PLSCR3: variants seen among roughly 807,000 people sequenced by gnomAD.
PLSCR3 encodes PL scramblase 3.
Under a neutral mutation model 33.7 loss-of-function variants are expected in PLSCR3, and 17 were observed. The observed-to-expected ratio is 0.50, with a 90% CI of 0.35 to 0.76. The LOEUF (loss-of-function observed/expected upper bound fraction) is 0.76, where lower values mean the gene tolerates loss of function less well. Ranked by LOEUF, PLSCR3 falls within the 30% of genes least tolerant of loss-of-function variation. The pLI is 0.01. For synonymous variants in PLSCR3, 166 were observed against 166.0 expected, an observed-to-expected ratio of 1.00 and a Z score of 0.00; for missense variants, 360 against 394.1, an observed-to-expected ratio of 0.91 and a Z score of 0.73.
intron 2 of PLSCR3, 67 bp from the exon 3 acceptor site, chr17:7,393,903 C>G (rs1271929512): frequency 4.3e-6 from 5 of 1,167,164 alleles, no homozygotes. Context: ...ATTCCTCAGC[C>G]CATGGGCCGC....
intron 6 of PLSCR3, among the ~76,000 whole-genome samples, chr17:7,392,306 A>G (rs1490436822): frequency 6.6e-6 from 1 of 152,222 alleles, no homozygotes; most frequent in Non-Finnish European, 1.5e-5. Context: ...GCCACTTGGG[A>G]TCTCTAGCTT....
At chr17:7,393,534 C>T (rs371260076) in intron 3 of PLSCR3, 25 bp from the exon 4 acceptor site, 2 of 1,613,970 alleles carry the variant, frequency 1.2e-6, no homozygotes, top group African/African-American at 2.7e-5. Flanking sequence ...GCGGCGCGCA[C>T]ATCAGCTGGC....
Position 7,393,250 on chromosome 17 carries a change from C to G in PLSCR3, c.401G>C (p.Arg134Pro). 1 of 1,594,574 alleles carries G rather than the reference C, an allele frequency of 6.3e-7. No homozygotes were observed. The highest frequency in any genetic ancestry group is 8.5e-7 in the Non-Finnish European group (1 of 1,175,580). Reference protein sequence around the residue: ...NCCARLCCGARRPLRVRLADP... With the variant: ...NCCARLCCGAPRPLRVRLADP... ...GGCCAGGCGGACACGCAGCGGCCGG[C>G]GGGCGCCACAGCACAGACGGGCGCA... is the stretch of plus-strand genomic sequence containing the variant. The change falls in exon 5 of 8, where the codon CGC becomes CCC. Residue 134 changes from arginine to proline, a missense_variant. Physicochemically the swap from Arg to Pro is moderately radical, Grantham distance 103. Transcript: ENST00000619711.
intron 6 of PLSCR3, among the ~76,000 whole-genome samples, chr17:7,392,123 T>C (rs1905753191): frequency 6.6e-6 from 1 of 152,194 alleles, no homozygotes; most frequent in East Asian, 1.9e-4. Context: ...AGGCAAAGAC[T>C]GCAGTGAGCT....
At position 7,390,139 on chromosome 17, in the gene PLSCR3, G is replaced by A; in HGVS notation, c.*246C>T. On this transcript the variant is annotated 3_prime_UTR_variant, in exon 8 of 8. Transcript: ENST00000619711. The stretch of plus-strand genomic sequence containing the variant: ...GAGAGTGCATGGGGAAAGTGTGAAA[G>A]CTGATATGCCTGTGTGCCGAGGGAC... The A allele has an allele frequency of 2.2e-6, 1 of 455,506 alleles. No individual in the cohort carries two copies. The highest frequency in any genetic ancestry group is 3.9e-6 in the Non-Finnish European group (1 of 254,370). 28.2% of individuals were successfully genotyped at this position (455,506 alleles called of 1,614,324 possible). A position where few individuals can be genotyped will look rare whatever the true frequency, so the allele number is the denominator to read the frequency against.
rs1163647620 is a variant in PLSCR3 at position 7,391,721 on chromosome 17, A to AT, written c.670-927dup. Among the ~76,000 whole-genome samples the AT allele has an allele frequency of 6.6e-5, 10 of 152,208 alleles. No homozygotes were observed. The highest frequency in any genetic ancestry group is 2.6e-4 in the Admixed American group (4 of 15,278). ...ATTCCCATCTGGAGATCACGCAGTTATTATATCTTATTCCCAATTGGTTCT... is the reference window on the plus strand; with the variant it reads ...ATTCCCATCTGGAGATCACGCAGTTATTTATATCTTATTCCCAATTGGTTCT... On this transcript the variant is annotated intron_variant, in intron 6 of 7. Coordinates refer to ENST00000619711, the MANE Select transcript of PLSCR3 (RefSeq NM_020360.4). This position sits in a 1 kb window ranked among gnomAD's most constrained non-coding sequence, Gnocchi z 4.1.
Position 7,393,724 on chromosome 17 carries a change from G to T in PLSCR3, c.120C>A (p.Ala40=), listed in dbSNP as rs756972692. The part of the protein sequence containing the change: ...HPGPGQAPVP[A]QVPAPAPGFA... ...AGCCGGGAGCTGGGGCAGGTACCTG[G>T]GCGGGCACTGGCGCCTGCCCGGGCC... is the stretch of plus-strand genomic sequence containing the variant. The change falls in exon 3 of 8, where the codon GCC becomes GCA. Residue 40 remains alanine, a synonymous_variant. Transcript: ENST00000619711. 2.9e-5 allele frequency: 44 copies of T among 1,526,252 alleles called. No individual in the cohort carries two copies. Among genetic ancestry groups the T allele is most frequent in the Non-Finnish European group, 3.7e-5 (43 of 1,146,890 alleles). The allele number at this position is 1,526,252 out of a possible 1,614,324, so 94.5% of individuals were successfully genotyped here.
chr17:7,393,742 C>A lies in PLSCR3; in HGVS notation c.102G>T (p.Gly34=). 6.6e-7 allele frequency: 1 copy of A among 1,516,774 alleles called. No individual in the cohort carries two copies. Among genetic ancestry groups the A allele is most frequent in the East Asian group, 2.4e-5 (1 of 41,072 alleles). The allele number at this position is 1,516,774 out of a possible 1,614,324, so 94.0% of individuals were successfully genotyped here. Reference sequence around the variant, plus strand: ...GTACCTGGGCGGGCACTGGCGCCTGCCCGGGCCCAGGATGTAGCGCCGGCT... The same window carrying A: ...GTACCTGGGCGGGCACTGGCGCCTGACCGGGCCCAGGATGTAGCGCCGGCT... ...YPEPALHPGP[G]QAPVPAQVPA... is the part of the protein sequence containing the mutation. Residue 34 remains glycine, a synonymous_variant, in exon 3 of 8, where the codon GGG becomes GGT. Transcript: ENST00000619711.
At chr17:7,393,120 T>G in intron 5 of PLSCR3, 24 bp downstream of exon 5, 9 of 646,936 alleles carry the variant, frequency 1.4e-5, no homozygotes, top group Non-Finnish European at 1.5e-5. Context: ...AGGCCCGCCC[T>G]CCCGGCCCCC....
In PLSCR3 at chr17:7,390,251, A is replaced by C. The variant is rs1905547323; in HGVS notation, c.*134T>G. Reference sequence around the variant, plus strand: ...CCACAGGGGCAGGCGGCCAGGGAGTAGGGTAGGGATGGGGCCCCCCTTCTG... The same window carrying C: ...CCACAGGGGCAGGCGGCCAGGGAGTCGGGTAGGGATGGGGCCCCCCTTCTG... On this transcript the variant is annotated 3_prime_UTR_variant, in exon 8 of 8. Transcript: ENST00000619711. 3 of 610,308 alleles carry C rather than the reference A, an allele frequency of 4.9e-6. No homozygotes were observed. The highest frequency in any genetic ancestry group is 8.5e-6 in the Non-Finnish European group (3 of 351,476). 37.8% of individuals were successfully genotyped at this position (610,308 alleles called of 1,614,324 possible).
At position 7,390,232 on chromosome 17, in the gene PLSCR3, G is replaced by T; in HGVS notation, c.*153C>A. 1.7e-6 allele frequency: 1 copy of T among 580,490 alleles called. No individual in the cohort carries two copies. Among genetic ancestry groups the T allele is most frequent in the Non-Finnish European group, 3.1e-6 (1 of 327,504 alleles). The allele number at this position is 580,490 out of a possible 1,614,324, so 36.0% of individuals were successfully genotyped here. On this transcript the variant is annotated 3_prime_UTR_variant, in exon 8 of 8. Coordinates refer to ENST00000619711, the MANE Select transcript of PLSCR3 (RefSeq NM_020360.4). ...ACATACCCCTCCTTGGGAACCACAGGGGCAGGCGGCCAGGGAGTAGGGTAG... is the reference window on the plus strand; with the variant it reads ...ACATACCCCTCCTTGGGAACCACAGTGGCAGGCGGCCAGGGAGTAGGGTAG...
rs1451152809 is a variant in PLSCR3, at chr17:7,392,860, A to G, written c.600T>C (p.Asp200=). 2 of 1,614,118 alleles carry G rather than the reference A, an allele frequency of 1.2e-6. No homozygotes were observed. Among genetic ancestry groups the G allele is most frequent in the Admixed American group, 1.7e-5 (1 of 60,022 alleles). ...FLPKFSIQDA[D]RQTVLRVVGP... Reference sequence around the variant, plus strand: ...CCACCACTCGCAAGACTGTCTGGCGATCGGCATCCTGGATGGAGAACTTGG... The same window carrying G: ...CCACCACTCGCAAGACTGTCTGGCGGTCGGCATCCTGGATGGAGAACTTGG... The change falls in exon 6 of 8, where the codon GAT becomes GAC. Residue 200 remains aspartate (D), a synonymous_variant. Transcript: ENST00000619711.
chr17:7,390,818 G>A, intron 6 of PLSCR3, 23 bp from the exon 7 acceptor site: 1 of 1,613,060 alleles, frequency 6.2e-7, no homozygotes, highest in Non-Finnish European at 8.5e-7. Context: ...AGGGAGAAAG[G>A]ACCCAGCTGA....
chr17:7,393,737 G>C lies in PLSCR3; in HGVS notation c.107C>G (p.Ala36Gly), dbSNP rs1287159768. The C allele has an allele frequency of 6.6e-7, 1 of 1,517,550 alleles. No homozygotes were observed. The highest frequency in any genetic ancestry group is 8.7e-7 in the Non-Finnish European group (1 of 1,143,152). The allele number at this position is 1,517,550 out of a possible 1,614,324, so 94.0% of individuals were successfully genotyped here. A position where few individuals can be genotyped will look rare whatever the true frequency, so the allele number is the denominator to read the frequency against. The change falls in exon 3 of 8, where the codon GCG (alanine) becomes GGG (glycine). Residue 36 changes from alanine to glycine, a missense_variant. Ala to Gly is a moderately conservative substitution (Grantham distance 60). Transcript: ENST00000619711. ...EPALHPGPGQ[A>G]PVPAQVPAPA... ...GGCAGGTACCTGGGCGGGCACTGGC[G>C]CCTGCCCGGGCCCAGGATGTAGCGC...
rs1905672718 is a variant in PLSCR3, at chr17:7,391,325, G to C, written c.670-530C>G. Among the ~76,000 whole-genome samples, 1 of 152,330 alleles carries C rather than the reference G, an allele frequency of 6.6e-6. No individual in the cohort carries two copies. Among genetic ancestry groups the C allele is most frequent in the Middle Eastern group, 3.4e-3 (1 of 294 alleles). On this transcript the variant is annotated intron_variant, in intron 6 of 7. Coordinates refer to ENST00000619711, the MANE Select transcript of PLSCR3 (RefSeq NM_020360.4). This position sits in a 1 kb window ranked among gnomAD's most constrained non-coding sequence, Gnocchi z 4.1. ...ACCTTTTCTCTAATCTGCAAAGTAG[G>C]GGAGGGCCTTGCCCAGCACTGCATG...
chr17:7,393,112 G>GCCCCCCCCCCCCCCCCCCCCCCCCC, intron 5 of PLSCR3, 32 bp downstream of exon 5: 23 of 1,255,970 alleles, frequency 1.8e-5, no homozygotes, highest in Non-Finnish European at 2.4e-5. Flanking sequence ...CCCCACCAAG[G>GCCCCCCCCCCCCCCCCCCCCCCCCC]CCCGCCCTCC....
At position 7,393,664 on chromosome 17, in the gene PLSCR3, C is replaced by T; in HGVS notation, c.180G>A (p.Leu60=). 1 of 1,605,724 alleles carries T rather than the reference C, an allele frequency of 6.2e-7. No individual in the cohort carries two copies. The highest frequency in any genetic ancestry group is 8.5e-7 in the Non-Finnish European group (1 of 1,178,476). Residue 60 remains leucine, a synonymous_variant, in exon 3 of 8, where the codon TTG becomes TTA. Coordinates refer to ENST00000619711, the MANE Select transcript of PLSCR3 (RefSeq NM_020360.4). ...GTGGCAAGAAGGGGGCAGCAGACCC[C>T]AAGGCCACGGGGCCAGGCGAGGGGA... ...ALFPSPGPVA[L]GSAAPFLPLP... is the part of the protein sequence containing the mutation.
chr17:7,392,891 A>G lies in PLSCR3; in HGVS notation c.569T>C (p.Phe190Ser), dbSNP rs373044458. The change falls in exon 6 of 8, where the codon TTC becomes TCC. Residue 190 changes from phenylalanine (F) to serine (S), a missense_variant. Physicochemically the swap from Phe to Ser is radical, Grantham distance 155 (BLOSUM62 -2). Coordinates refer to ENST00000619711, the MANE Select transcript of PLSCR3 (RefSeq NM_020360.4). ...ATCCTGGATGGAGAACTTGGGGAGG[A>G]AGGGATGCCAGGTCTGTAGCACGTG... ...IGHVLQTWHP[F>S]LPKFSIQDAD... is the part of the protein sequence containing the mutation. 19 of 1,613,874 alleles carry G rather than the reference A, an allele frequency of 1.2e-5. No individual in the cohort carries two copies. In the African/African-American group the frequency reaches 2.3e-4, roughly 19 times the overall value.
rs1451267648 is a variant in PLSCR3 at position 7,393,804 on chromosome 17, G to C, written c.40C>G (p.Pro14Ala). ...YLPPKGYAPS[P>A]PPPYPVTPGY... ...GGGGTGACAGGGTAGGGAGGTGGGG[G>C]CGAAGGGGCGTAGCCTTTGGGGGGC... Residue 14 changes from proline to alanine, a missense_variant, in exon 3 of 8, where the codon CCC becomes GCC. Physicochemically the swap from Pro to Ala is conservative, Grantham distance 27 (BLOSUM62 -1). Transcript: ENST00000619711. The C allele has an allele frequency of 2.6e-6, 4 of 1,511,396 alleles. No homozygotes were observed. In the Admixed American group the frequency reaches 9.6e-5, roughly 36 times the overall value. 93.6% of individuals were successfully genotyped at this position (1,511,396 alleles called of 1,614,324 possible).
Sources: allele counts gnomAD v4.1 joint callset (sites outside exome capture counted in the v4.1 genomes callset), GRCh38; gene constraint gnomAD v4.1.1; non-coding constraint Gnocchi (gnomAD v3.1); transcripts MANE v1.5; gene names NCBI Gene and HGNC (gene_info 2026-07-23, HGNC 2026-07-21).